The following SLC25A29 variants were observed in gnomAD, a reference collection of about 807,000 sequenced individuals.
SLC25A29 encodes solute carrier family 25 member 29, also known as mitochondrial basic amino acids transporter.
Under a neutral mutation model 10.0 loss-of-function variants are expected in SLC25A29, and 13 were observed. That is an observed-to-expected ratio of 1.30 (90% confidence interval 0.85 to 2.07). The LOEUF is 2.07. Ranked by LOEUF, SLC25A29 falls within the 30% of genes most tolerant of loss-of-function variation. SLC25A29 has a pLI of 0.00. For missense variants in SLC25A29, 475 were observed against 447.6 expected, an observed-to-expected ratio of 1.06 and a Z score of -0.55; for synonymous variants, 244 against 221.1, an observed-to-expected ratio of 1.10 and a Z score of -0.92.
In SLC25A29 at chr14:100,292,969, C is replaced by G; in HGVS notation, c.226G>C (p.Val76Leu). ...AGGGTGTTGCCCTGCACCCCGAACA[C>G]CAGCGCGTTGATGAAGGTGAGCCCC... is the stretch of plus-strand genomic sequence containing the variant. Reference protein sequence around the residue: ...LMGLTFINALVFGVQGNTLRA... With the variant: ...LMGLTFINALLFGVQGNTLRA... The change falls in exon 4 of 4, where the codon GTG (valine) becomes CTG (leucine). Residue 76 changes from valine to leucine, a missense_variant. Transcript: ENST00000359232. 1.2e-6 allele frequency: 2 copies of G among 1,600,226 alleles called. No individual in the cohort carries two copies. Among genetic ancestry groups the G allele is most frequent in the East Asian group, 2.2e-5 (1 of 44,484 alleles).
At chr14:100,287,149 G>A (rs980954251), downstream of SLC25A29, among the ~76,000 whole-genome samples, 9 of 152,270 alleles carry the variant, frequency 5.9e-5, no homozygotes, top group Non-Finnish European at 8.8e-5. Context: ...TAAAGGCCCA[G>A]GCCAATGATG....
chr14:100,301,045 G>A (rs6575771), intron 1 of SLC25A29, among the ~76,000 whole-genome samples: 104,390 of 151,570 alleles, frequency 0.69, 36,180 homozygotes, highest in East Asian at 0.74. Flanking sequence ...GACTACAGGC[G>A]CCCGCCACCA....
intron 2 of SLC25A29, chr14:100,295,343 T>A: frequency 3.6e-6 from 1 of 278,786 alleles, no homozygotes; most frequent in Non-Finnish European, 7.1e-6. Context: ...CCTTTGAGGA[T>A]TGATGGGAAC....
rs113769707 is a variant in SLC25A29, at chr14:100,296,553, C to T, written c.78+2289G>A. 882 of 157,836 alleles carry T rather than the reference C, an allele frequency of 5.6e-3. 7 individuals are homozygous for T. The highest frequency in any genetic ancestry group is 0.02 in the African/African-American group (839 of 41,554). The allele number at this position is 157,836 out of a possible 1,614,324, so 9.8% of individuals were successfully genotyped here. ...GTTTCTCCTGGGTGGCAGCTCGCCA[C>T]GCATGTGTTTTGCGACGACTTGTAC... On this transcript the variant is annotated intron_variant, in intron 2 of 3. Transcript: ENST00000359232.
chr14:100,288,755 A>C (rs932717180), downstream of SLC25A29, among the ~76,000 whole-genome samples: 1 of 152,210 alleles, frequency 6.6e-6, no homozygotes, highest in Non-Finnish European at 1.5e-5. Context: ...CAAATCAAGC[A>C]AAGTTTATCC....
chr14:100,305,807 A>C (rs1196552321), intron 1 of SLC25A29: 1 of 196,568 alleles, frequency 5.1e-6, no homozygotes, highest in African/African-American at 2.3e-5. Flanking sequence ...TCAGTCCCGA[A>C]ATATACGGCC....
chr14:100,287,926 G>A (rs950844050), downstream of SLC25A29, among the ~76,000 whole-genome samples: 1 of 151,984 alleles, frequency 6.6e-6, no homozygotes, highest in Non-Finnish European at 1.5e-5. Context: ...AGTGGCTCAC[G>A]GCCGTGGTCT....
At chr14:100,283,744 G>C in the SLC25A29 span, among the ~76,000 whole-genome samples, 1 of 152,082 alleles carries the variant, frequency 6.6e-6, no homozygotes, top group Non-Finnish European at 1.5e-5. Context: ...GCCTCCCAAA[G>C]TGCTGGGATT....
rs1311299610 is a variant in SLC25A29, at chr14:100,292,780, C to T, written c.415G>A (p.Ala139Thr). 6.3e-7 allele frequency: 1 copy of T among 1,598,384 alleles called. No individual in the cohort carries two copies. The highest frequency in any genetic ancestry group is 8.5e-7 in the Non-Finnish European group (1 of 1,174,110). ...RTYKGSLDCLAQIYGHEGLRG... is the reference protein window; with the variant it reads ...RTYKGSLDCLTQIYGHEGLRG... ...AGACCCTCGTGCCCGTAGATCTGCG[C>T]GAGGCAGTCCAGCGAGCCCTTGTAG... The change falls in exon 4 of 4, where the codon GCG becomes ACG. Residue 139 changes from alanine to threonine, a missense_variant. Transcript: ENST00000359232.
At chr14:100,306,034 C>T in intron 1 of SLC25A29, among the ~76,000 whole-genome samples, 165 bp downstream of exon 1, 1 of 152,042 alleles carries the variant, frequency 6.6e-6, no homozygotes, top group Admixed American at 6.5e-5. Context: ...GGCCTGAAGT[C>T]AATTTACGCC....
the SLC25A29 span, among the ~76,000 whole-genome samples, chr14:100,283,277 T>G: frequency 1.3e-5 from 2 of 152,234 alleles, no homozygotes; most frequent in African/African-American, 4.8e-5. Flanking sequence ...GAGTGAGGCG[T>G]GAAGTTCATT....
intron 1 of SLC25A29, among the ~76,000 whole-genome samples, chr14:100,303,672 G>A (rs1345924784): frequency 6.6e-6 from 1 of 152,112 alleles, no homozygotes; most frequent in Non-Finnish European, 1.5e-5. Flanking sequence ...GCACGAGGAG[G>A]CCTCCAGTCA....
chr14:100,299,704 T>C, intron 1 of SLC25A29: 1 of 985,092 alleles, frequency 1.0e-6, no homozygotes, highest in Non-Finnish European at 1.2e-6. Context: ...AGCAGCCTCA[T>C]TACCCATTTC....
downstream of SLC25A29, among the ~76,000 whole-genome samples, chr14:100,289,979 G>GC (rs930570361): frequency 1.1e-4 from 16 of 152,276 alleles, 1 homozygote; most frequent in Non-Finnish European, 1.8e-4. Flanking sequence ...GGAGCTAGAA[G>GC]CCCCCCGCCC....
At chr14:100,299,999 G>T in intron 1 of SLC25A29, 1 of 984,952 alleles carries the variant, frequency 1.0e-6, no homozygotes, top group Non-Finnish European at 1.2e-6. Flanking sequence ...GGCCAGGTGT[G>T]GTGGCTCACG....
intron 1 of SLC25A29, 55 bp downstream of exon 1, chr14:100,306,144 G>A (rs1892930784): frequency 1.5e-6 from 2 of 1,329,994 alleles, no homozygotes; most frequent in Non-Finnish European, 2.0e-6. Context: ...CTGGTGGGCC[G>A]ACCTCCCTCC....
At chr14:100,284,866 C>A in the SLC25A29 span, among the ~76,000 whole-genome samples, 2 of 152,174 alleles carry the variant, frequency 1.3e-5, no homozygotes, top group Non-Finnish European at 2.9e-5. Flanking sequence ...ATGGAGAAAC[C>A]TCCTCCCTAC....
chr14:100,287,525 C>T (rs1341176845), downstream of SLC25A29, among the ~76,000 whole-genome samples: 1 of 152,166 alleles, frequency 6.6e-6, no homozygotes, highest in Non-Finnish European at 1.5e-5. Context: ...ACTCTAGCTC[C>T]TGCCACATAG....
rs529381190 is a variant in SLC25A29, at chr14:100,295,386, A to C, written c.79-2009T>G. The C allele has an allele frequency of 3.9e-5, 13 of 336,780 alleles. No individual in the cohort carries two copies. In the East Asian group the frequency reaches 9.5e-4, roughly 25 times the overall value. 20.9% of individuals were successfully genotyped at this position (336,780 alleles called of 1,614,324 possible). On this transcript the variant is annotated intron_variant, in intron 2 of 3. Transcript: ENST00000359232. ...CCCCTGGGAAACTAGTCATTTGGAC[A>C]CAAGTTTAGGAAGCTCCCAGCTCCC...
Sources: gnomAD v4.1 joint callset for allele counts (sites outside exome capture counted in the v4.1 genomes callset) on GRCh38, gnomAD v4.1.1 for gene constraint, MANE v1.5 for transcripts, NCBI Gene and HGNC (gene_info 2026-07-23, HGNC 2026-07-21) for gene names.